FAM186A: variants seen among roughly 807,000 people sequenced by gnomAD.
The protein encoded by FAM186A is protein FAM186A.
A neutral mutation model predicts 216.8 loss-of-function variants in FAM186A; 163 were observed. The ratio of observed to expected loss-of-function variants is 0.75; its 90% CI spans 0.66 to 0.86. The LOEUF is 0.86. FAM186A is among the 40% of genes least tolerant of loss of function. The probability of loss-of-function intolerance (pLI) is 0.00; values close to 1 mark genes in which losing one functional copy is unlikely to be tolerated. For missense variants in FAM186A, 2,184 were observed against 2,746.2 expected, an observed-to-expected ratio of 0.80 and a Z score of 4.58; for synonymous variants, 805 against 1,025.3, an observed-to-expected ratio of 0.79 and a Z score of 4.10.
At chr12:50,367,480 G>A (rs1314198790) in intron 1 of FAM186A, among the ~76,000 whole-genome samples, 2 of 137,308 alleles carry the variant, frequency 1.5e-5, no homozygotes, top group Non-Finnish European at 3.0e-5. Flanking sequence ...CTGTGCCACT[G>A]CACTCCAGCC....
intron 4 of FAM186A, among the ~76,000 whole-genome samples, chr12:50,339,679 G>T (rs770399955): frequency 1.4e-4 from 21 of 151,184 alleles, no homozygotes; most frequent in Non-Finnish European, 2.8e-4. Flanking sequence ...TATCTTTCCA[G>T]TCTCATCTCT....
At position 50,336,722 on chromosome 12, in the gene FAM186A, C is replaced by T. The variant is rs1220028294; in HGVS notation, c.6504-2619G>A. ...ATGAGTAGTCTGGGGTTTTTGACCA[C>T]AGATATGTGAAAGGATATAGTGGGG... On this transcript the variant is annotated intron_variant, in intron 4 of 7. Coordinates refer to ENST00000327337, the MANE Select transcript of FAM186A (RefSeq NM_001145475.3). 3.3e-5 allele frequency among the ~76,000 whole-genome samples: 5 copies of T among 151,766 alleles called. No homozygotes were observed. In the South Asian group the frequency reaches 8.3e-4, roughly 25 times the overall value.
At position 50,355,025 on chromosome 12, in the gene FAM186A, C is replaced by G. The variant is rs541268635; in HGVS notation, c.1807G>C (p.Gly603Arg). ...QFDDTAEPQK[G>R]KIKGKKHHIS... Reference sequence around the variant, plus strand: ...TGGTGTTTCTTTCCTTTTATTTTTCCTTTCTGTGGCTCAGCAGTATCATCA... The same window carrying G: ...TGGTGTTTCTTTCCTTTTATTTTTCGTTTCTGTGGCTCAGCAGTATCATCA... Residue 603 changes from glycine (G) to arginine (R), a missense_variant, in exon 4 of 8, where the codon GGA becomes CGA. Physicochemically the swap from Gly to Arg is moderately radical, Grantham distance 125 (BLOSUM62 -2). Coordinates refer to ENST00000327337, the MANE Select transcript of FAM186A (RefSeq NM_001145475.3). 6.4e-7 allele frequency: 1 copy of G among 1,551,334 alleles called. No homozygotes were observed. The highest frequency in any genetic ancestry group is 1.2e-5 in the South Asian group (1 of 84,028).
At position 50,353,945 on chromosome 12, in the gene FAM186A, C is replaced by A. The variant is rs1262587323; in HGVS notation, c.2887G>T (p.Glu963Ter). 1 of 1,553,804 alleles carries A rather than the reference C, an allele frequency of 6.4e-7. No individual in the cohort carries two copies. The highest frequency in any genetic ancestry group is 2.0e-5 in the Admixed American group (1 of 51,190). ...GGCTTCTGCTTTTCCTTCCCTTTCT[C>A]CCTTCTCCTGTGTGGCCCCAAATGT... ...AKHLGPHRRR[E>*]KGKEKQKPER... is the part of the protein sequence containing the mutation. Residue 963 changes from glutamate (E) to a stop codon, truncating the protein, a stop_gained, in exon 4 of 8, where the codon GAG becomes TAG. Transcript: ENST00000327337. LOFTEE classifies it high-confidence loss of function.
intron 7 of FAM186A, among the ~76,000 whole-genome samples, chr12:50,329,544 T>G (rs1026833936): frequency 1.3e-5 from 2 of 152,136 alleles, no homozygotes; most frequent in Admixed American, 6.6e-5. Flanking sequence ...TATAGAATTT[T>G]AAATGTCTTA....
chr12:50,349,027 CAATCCAAT>C (rs1942849480), intron 4 of FAM186A, among the ~76,000 whole-genome samples: 1 of 152,120 alleles, frequency 6.6e-6, no homozygotes, highest in Non-Finnish European at 1.5e-5. Flanking sequence ...GTGTTACAAA[CAATCCAAT>C]AATCCAATTA....
chr12:50,338,449 C>T (rs1006373733), intron 4 of FAM186A, among the ~76,000 whole-genome samples: 2 of 152,178 alleles, frequency 1.3e-5, no homozygotes, highest in African/African-American at 4.8e-5. Flanking sequence ...GATTCACCCG[C>T]CTCAGCCTCC....
chr12:50,331,809 G>T lies in FAM186A; in HGVS notation c.6709C>A (p.His2237Asn), dbSNP rs1464514616. 6.6e-7 allele frequency: 1 copy of T among 1,526,554 alleles called. No homozygotes were observed. The highest frequency in any genetic ancestry group is 1.4e-5 in the African/African-American group (1 of 71,224). The allele number at this position is 1,526,554 out of a possible 1,614,324, so 94.6% of individuals were successfully genotyped here. The part of the protein sequence containing the change: ...IHVFNQLKKI[H>N]ELNLSQPIPL... The stretch of plus-strand genomic sequence containing the variant: ...ATAGGTTGACTAAGATTCAATTCAT[G>T]TATCTTTTTGAGCTATAAAAAAAAA... The change falls in exon 6 of 8, where the codon CAT becomes AAT. Residue 2237 changes from histidine (H) to asparagine (N), a missense_variant. By Grantham distance (68) the His-to-Asn change is moderately conservative. This residue lies in a region of FAM186A where 721 missense variants were observed against 816.4 expected (regional missense o/e 0.88). Transcript: ENST00000327337.
At position 50,353,006 on chromosome 12, in the gene FAM186A, C is replaced by A. The variant is rs1260722428; in HGVS notation, c.3826G>T (p.Gly1276Trp). ...GCCTGCTTAGGGGTGAGAGTGATCCCCAGGGCCTGGGCCTGCTGAGGAGTA... is the reference window on the plus strand; with the variant it reads ...GCCTGCTTAGGGGTGAGAGTGATCCACAGGGCCTGGGCCTGCTGAGGAGTA... ...PLTPQQAQAL[G>W]ITLTPKQAQE... The change falls in exon 4 of 8, where the codon GGG becomes TGG. Residue 1276 changes from glycine (G) to tryptophan (W), a missense_variant. Transcript: ENST00000327337. The A allele has an allele frequency of 3.3e-6, 5 of 1,535,034 alleles. No individual in the cohort carries two copies. The highest frequency in any genetic ancestry group is 2.0e-5 in the Admixed American group (1 of 49,660).
At chr12:50,386,144 G>C (rs1592635218) in intron 1 of FAM186A, among the ~76,000 whole-genome samples, 1 of 152,024 alleles carries the variant, frequency 6.6e-6, no homozygotes, top group South Asian at 2.1e-4. Context: ...AGAAATGTGA[G>C]GTGGCCAGGC....
chr12:50,333,020 C>T (rs139248303), intron 5 of FAM186A, among the ~76,000 whole-genome samples: 2 of 151,642 alleles, frequency 1.3e-5, no homozygotes, highest in Non-Finnish European at 2.9e-5. Context: ...ACAGTGAGAC[C>T]TCATCTCAAA....
chr12:50,383,510 C>A (rs1020009590), intron 1 of FAM186A, among the ~76,000 whole-genome samples: 1 of 151,898 alleles, frequency 6.6e-6, no homozygotes, highest in Non-Finnish European at 1.5e-5. Flanking sequence ...GCAGAAGAAT[C>A]ACTAGAACCC....
At chr12:50,348,355 G>C (rs1195024836) in intron 4 of FAM186A, among the ~76,000 whole-genome samples, 1 of 151,160 alleles carries the variant, frequency 6.6e-6, no homozygotes, top group Non-Finnish European at 1.5e-5. Context: ...ATTTTTAGTA[G>C]AGAAGGGGTT....
chr12:50,346,164 C>T (rs866948974), intron 4 of FAM186A, among the ~76,000 whole-genome samples: 5 of 101,898 alleles, frequency 4.9e-5, no homozygotes, highest in Non-Finnish European at 8.0e-5. Context: ...AGCCAGACCC[C>T]GCCAAAAAAA....
Position 50,366,171 on chromosome 12 carries a change from A to G in FAM186A, c.193-2807T>C, listed in dbSNP as rs951687826. The G allele has an allele frequency of 8.4e-6, 5 of 592,720 alleles. No individual in the cohort carries two copies. The African/African-American group carries it at 9.3e-5, about 11-fold the overall frequency. The allele number at this position is 592,720 out of a possible 1,614,324, so 36.7% of individuals were successfully genotyped here. ...TTTGGATTTTGCCAAACAAATCATC[A>G]TGCAAAATGAGTATTCTGATGTTAG... On this transcript the variant is annotated intron_variant, in intron 1 of 7. Transcript: ENST00000327337.
chr12:50,357,033 CATACATACAT>C (rs1209800360), intron 3 of FAM186A, among the ~76,000 whole-genome samples: 44 of 151,086 alleles, frequency 2.9e-4, no homozygotes, highest in Non-Finnish European at 3.0e-4. Context: ...TACATACATA[CATACATACAT>C]ACATACATAA....
chr12:50,368,978 A>ACAC (rs74604532), intron 1 of FAM186A, among the ~76,000 whole-genome samples: 4 of 151,434 alleles, frequency 2.6e-5, no homozygotes, highest in East Asian at 3.9e-4. Context: ...AAAAAAAAAA[A>ACAC]ACACACACAA....
chr12:50,330,318 A>G (rs553329857), intron 7 of FAM186A, among the ~76,000 whole-genome samples: 104 of 152,308 alleles, frequency 6.8e-4, no homozygotes, highest in African/African-American at 2.4e-3. Context: ...GTTAGATTAG[A>G]TTCATGGTAT....
At chr12:50,350,248 G>A in intron 4 of FAM186A, 81 bp downstream of exon 4, 1 of 1,262,680 alleles carries the variant, frequency 7.9e-7, no homozygotes, top group Non-Finnish European at 1.1e-6. Flanking sequence ...TGACAAATAT[G>A]AATATACTTC....
Sources: allele counts gnomAD v4.1 joint callset (sites outside exome capture counted in the v4.1 genomes callset), GRCh38; gene constraint gnomAD v4.1.1; regional missense constraint gnomAD v4.1.1; transcripts MANE v1.5; gene names NCBI Gene and HGNC (gene_info 2026-07-23, HGNC 2026-07-21).